Variants in NDRG4 observed in about 807,000 individuals in gnomAD.
NDRG4 encodes the protein NDRG family member 4.
NDRG4 carries 38 observed loss-of-function variants against 55.8 expected under a neutral mutation model. The ratio of observed to expected loss-of-function variants is 0.68; its 90% CI spans 0.53 to 0.89. The LOEUF (loss-of-function observed/expected upper bound fraction) is 0.89, where lower values mean the gene tolerates loss of function less well. Among genes scored for constraint, NDRG4 ranks in the 40% least tolerant of loss-of-function variants. NDRG4 has a pLI of 0.00. For missense variants in NDRG4, 455 were observed against 468.6 expected (o/e 0.97, Z 0.27); for synonymous variants, 190 against 182.7 (o/e 1.04, Z -0.32).
chr16:58,478,619 T>C (rs2033998580), intron 1 of NDRG4, among the ~76,000 whole-genome samples: 1 of 152,108 alleles, frequency 6.6e-6, no homozygotes, highest in African/African-American at 2.4e-5. Context: ...ATTATGGTTC[T>C]GTAGCATGAT....
intron 1 of NDRG4, among the ~76,000 whole-genome samples, chr16:58,471,414 T>C (rs1276905351): frequency 1.3e-5 from 2 of 152,076 alleles, no homozygotes; most frequent in Non-Finnish European, 2.9e-5. Flanking sequence ...CCAGCCTCGT[T>C]CTGATCACTC....
At chr16:58,503,957 G>C (rs766835217) in intron 2 of NDRG4, 54 bp downstream of exon 2, 1 of 1,593,022 alleles carries the variant, frequency 6.3e-7, no homozygotes, top group Non-Finnish European at 8.6e-7. Context: ...CAGCCAGAGC[G>C]GTGAGGCCCC....
chr16:58,470,015 TC>T (rs777972437), intron 1 of NDRG4, among the ~76,000 whole-genome samples: 37 of 152,368 alleles, frequency 2.4e-4, no homozygotes, highest in African/African-American at 8.2e-4. Flanking sequence ...ACATTTTCTT[TC>T]AGTGTCTAGA....
At chr16:58,473,258 C>T (rs1357510576) in intron 1 of NDRG4, among the ~76,000 whole-genome samples, 1 of 152,078 alleles carries the variant, frequency 6.6e-6, no homozygotes, top group African/African-American at 2.4e-5. Flanking sequence ...CTCCTGGGCT[C>T]AAGCGATCCT....
At chr16:58,478,697 G>GTTTTTTTTTTTTTTTTTTT (rs59525801) in intron 1 of NDRG4, among the ~76,000 whole-genome samples, 35 of 137,566 alleles carry the variant, frequency 2.5e-4, no homozygotes, top group Non-Finnish European at 4.0e-4. Context: ...TTTGTTTTTT[G>GTTTTTTTTTTTTTTTTTTT]TTTTTTTTTT....
Position 58,464,402 on chromosome 16 carries a change from C to T in NDRG4, c.-24+605C>T. 3 of 1,372,736 alleles carry T rather than the reference C, an allele frequency of 2.2e-6. No individual in the cohort carries two copies. The highest frequency in any genetic ancestry group is 2.8e-6 in the Non-Finnish European group (3 of 1,066,172). 85.0% of individuals were successfully genotyped at this position (1,372,736 alleles called of 1,614,324 possible). A position where few individuals can be genotyped will look rare whatever the true frequency, so the allele number is the denominator to read the frequency against. On this transcript the variant is annotated intron_variant, in intron 1 of 15. Coordinates refer to the NDRG4 transcript ENST00000258187. The surrounding 1 kb of genome is among the most constrained non-coding windows in gnomAD (Gnocchi z 4.8). Reference sequence around the variant, plus strand: ...CGAGCGCGCTGCCCCGACGCCGCCACCCAGAGCCGGGCCGCGCCGGGCGCC... The same window carrying T: ...CGAGCGCGCTGCCCCGACGCCGCCATCCAGAGCCGGGCCGCGCCGGGCGCC...
chr16:58,493,374 T>G (rs909988840), intron 2 of NDRG4, among the ~76,000 whole-genome samples: 4 of 152,230 alleles, frequency 2.6e-5, no homozygotes, highest in African/African-American at 9.6e-5. Flanking sequence ...GTTCAAGTGA[T>G]TCTCCTGCCT....
chr16:58,472,695 T>A (rs1056695850), intron 1 of NDRG4, among the ~76,000 whole-genome samples: 1 of 152,162 alleles, frequency 6.6e-6, no homozygotes, highest in Non-Finnish European at 1.5e-5. Flanking sequence ...CCTCTGTCTC[T>A]CTCTCCCTCA....
Position 58,476,308 on chromosome 16 carries a change from A to G in NDRG4, c.-23-11448A>G, listed in dbSNP as rs550591599. On this transcript the variant is annotated intron_variant, in intron 1 of 15. Coordinates refer to the NDRG4 transcript ENST00000258187. ...AGTAGGACTCTTTCACTGGTTCCCT[A>G]TAGAAGCTGCCTAAATGGAATGTGT... Among the ~76,000 whole-genome samples the G allele has an allele frequency of 7.9e-5, 12 of 152,340 alleles. No homozygotes were observed. The East Asian group carries it at 1.5e-3, about 20-fold the overall frequency.
At chr16:58,465,423 G>A (rs1267015442) in intron 1 of NDRG4, among the ~76,000 whole-genome samples, 3 of 152,094 alleles carry the variant, frequency 2.0e-5, no homozygotes, top group African/African-American at 4.8e-5. Flanking sequence ...AACAATTTTT[G>A]TTAATGAAGA....
rs763951957 is a variant in NDRG4 at position 58,506,941 on chromosome 16, G to A, written c.546G>A (p.Val182=). 9.3e-6 allele frequency: 15 copies of A among 1,614,020 alleles called. No individual in the cohort carries two copies. Among genetic ancestry groups the A allele is most frequent in the East Asian group, 6.7e-5 (3 of 44,892 alleles). The change falls in exon 8 of 15, where the codon GTG becomes GTA. Residue 182 remains valine, a synonymous_variant. Coordinates refer to ENST00000570248, the MANE Select transcript of NDRG4 (RefSeq NM_001242835.2). ...QEELVNNTEL[V]QSYRQQIGNV... ...AGCTGGTGAACAACACAGAGTTGGTGCAGAGCTACCGGCAGCAGATTGGGA... is the reference window on the plus strand; with the variant it reads ...AGCTGGTGAACAACACAGAGTTGGTACAGAGCTACCGGCAGCAGATTGGGA...
At chr16:58,506,241 G>A in intron 5 of NDRG4, 146 bp from the exon 6 acceptor site, 1 of 764,018 alleles carries the variant, frequency 1.3e-6, no homozygotes. Context: ...AGGAGGACAG[G>A]CAGGGGCATC....
At chr16:58,495,487 C>T (rs1433155003), upstream of NDRG4, 1 of 160,744 alleles carries the variant, frequency 6.2e-6, no homozygotes, top group Non-Finnish European at 1.4e-5. Context: ...CACAAGGGAA[C>T]CCTGCTGGGT....
intron 1 of NDRG4, among the ~76,000 whole-genome samples, chr16:58,482,711 T>TCCTTCCTCCCTCCCTCCTTC (rs2034589379): frequency 1.1e-5 from 1 of 93,386 alleles, no homozygotes. Flanking sequence ...CTCCCTCCTT[T>TCCTTCCTCCCTCCCTCCTTC]CCTTCCTCCC....
intron 2 of NDRG4, among the ~76,000 whole-genome samples, chr16:58,493,295 G>A (rs953989364): frequency 6.6e-6 from 1 of 152,152 alleles, no homozygotes; most frequent in Non-Finnish European, 1.5e-5. Context: ...TTGAGACAGA[G>A]TCTCACTCTA....
chr16:58,500,357 C>T, intron 1 of NDRG4, 88 bp downstream of exon 1: 47 of 1,481,694 alleles, frequency 3.2e-5, no homozygotes, highest in Non-Finnish European at 4.1e-5. Context: ...CCCCCCTCAA[C>T]CCACATCTGG....
chr16:58,492,206 C>A (rs2035862262), intron 2 of NDRG4, among the ~76,000 whole-genome samples: 1 of 152,162 alleles, frequency 6.6e-6, no homozygotes, highest in Non-Finnish European at 1.5e-5. Flanking sequence ...TGGCTTTTGC[C>A]TTTGGAGACT....
intron 2 of NDRG4, among the ~76,000 whole-genome samples, chr16:58,494,218 C>CA (rs1292818693): frequency 6.6e-6 from 1 of 152,032 alleles, no homozygotes; most frequent in East Asian, 1.9e-4. Context: ...CAGACTCAAA[C>CA]GGTTCACTGT....
In NDRG4 at chr16:58,509,366, C is replaced by T. The variant is rs1428365701; in HGVS notation, c.865+14C>T. On this transcript the variant is annotated intron_variant, in intron 13 of 14. Coordinates refer to ENST00000570248, the MANE Select transcript of NDRG4 (RefSeq NM_001242835.2). ...GCATGGGCTACAGTGAGTACATTTC[C>T]ACCCCACCCCACACCACCTAGAGAC... The T allele has an allele frequency of 1.9e-6, 3 of 1,612,344 alleles. No homozygotes were observed. The highest frequency in any genetic ancestry group is 2.5e-6 in the Non-Finnish European group (3 of 1,179,678).
Sources: allele counts gnomAD v4.1 joint callset (sites outside exome capture counted in the v4.1 genomes callset), GRCh38; gene constraint gnomAD v4.1.1; non-coding constraint Gnocchi (gnomAD v3.1); transcripts MANE v1.5; gene names NCBI Gene and HGNC (gene_info 2026-07-23, HGNC 2026-07-21).